Variants in PARP15 observed in about 807,000 individuals in gnomAD.
PARP15 encodes the protein protein mono-ADP-ribosyltransferase PARP15.
In PARP15, 50 loss-of-function variants were observed where a neutral mutation model predicts 62.1. That is an observed-to-expected ratio of 0.81 (90% CI 0.64 to 1.02). The LOEUF (loss-of-function observed/expected upper bound fraction) is 1.02. PARP15 is among the 50% of genes least tolerant of loss of function. The pLI is 0.00. For synonymous variants in PARP15, 309 were observed against 293.1 expected (o/e 1.05, Z -0.55); for missense variants, 820 against 826.5 (o/e 0.99, Z 0.10).
At chr3:122,595,498 C>G (rs2107489710) in intron 1 of PARP15, among the ~76,000 whole-genome samples, 1 of 152,300 alleles carries the variant, frequency 6.6e-6, no homozygotes, top group East Asian at 1.9e-4. Context: ...AGGTTTTTCA[C>G]TCGCTGCTAG....
At chr3:122,612,752 A>G (rs758619100) in intron 3 of PARP15, among the ~76,000 whole-genome samples, 1 of 151,970 alleles carries the variant, frequency 6.6e-6, no homozygotes, top group Non-Finnish European at 1.5e-5. Flanking sequence ...TTAACTTAAC[A>G]TAAATACTGC....
intron 8 of PARP15, among the ~76,000 whole-genome samples, chr3:122,626,019 C>T (rs945157381): frequency 1.3e-5 from 2 of 152,134 alleles, no homozygotes; most frequent in Admixed American, 6.5e-5. Context: ...TTAGAAAGGA[C>T]TTAATGGATT....
At chr3:122,613,657 C>G (rs199572975) in intron 4 of PARP15, among the ~76,000 whole-genome samples, 15 of 152,048 alleles carry the variant, frequency 9.9e-5, no homozygotes, top group African/African-American at 3.6e-4. Flanking sequence ...CTGTGAGTGT[C>G]TACAAACTAG....
rs1937365644 is a variant in PARP15 at position 122,636,231 on chromosome 3, T to A, written c.*131T>A. On this transcript the variant is annotated 3_prime_UTR_variant, in exon 12 of 12. Coordinates refer to ENST00000464300, the MANE Select transcript of PARP15 (RefSeq NM_001113523.3). ...GGTGCCAAAATGCTGAAAATTACCT[T>A]TTTAAAGTGCTCTATTGCTGCGATT... is the stretch of plus-strand genomic sequence containing the variant. The A allele has an allele frequency of 2.2e-6, 2 of 894,592 alleles. No homozygotes were observed. The highest frequency in any genetic ancestry group is 3.4e-5 in the African/African-American group (2 of 59,038). The allele number at this position is 894,592 out of a possible 1,614,324, so 55.4% of individuals were successfully genotyped here.
intron 1 of PARP15, among the ~76,000 whole-genome samples, chr3:122,601,041 T>G (rs1318705249): frequency 7.5e-6 from 1 of 133,466 alleles, no homozygotes; most frequent in East Asian, 2.1e-4. Context: ...TTATGGTTTT[T>G]TTTTTTTTTT....
At chr3:122,613,404 A>G (rs1935716235) in intron 4 of PARP15, 136 bp downstream of exon 4, 2 of 738,500 alleles carry the variant, frequency 2.7e-6, no homozygotes, top group East Asian at 2.7e-5. Context: ...AGGTTGTCAT[A>G]TGACTTAACT....
chr3:122,580,098 G>A (rs2080773502), intron 1 of PARP15, among the ~76,000 whole-genome samples: 1 of 148,152 alleles, frequency 6.7e-6, no homozygotes, highest in African/African-American at 2.5e-5. Context: ...ATCTATCTTG[G>A]TAAATTTCCA....
Position 122,596,189 on chromosome 3 carries a change from C to G in PARP15, c.187-9747C>G, listed in dbSNP as rs1232169746. Among the ~76,000 whole-genome samples the G allele has an allele frequency of 2.0e-5, 3 of 151,808 alleles. No homozygotes were observed. The East Asian group carries it at 5.8e-4, about 29-fold the overall frequency. ...CTGGCCAACATGGTGAAACCCGTCTCTACTAAAAATACAAAAATTAGCTGG... is the reference window on the plus strand; with the variant it reads ...CTGGCCAACATGGTGAAACCCGTCTGTACTAAAAATACAAAAATTAGCTGG... On this transcript the variant is annotated intron_variant, in intron 1 of 11. Transcript: ENST00000464300.
chr3:122,613,030 G>T lies in PARP15; in HGVS notation c.544-11G>T. ...GCCCTAACTTATGTAAATGTACTTT[G>T]CACATTTCAGATCATGGCAAATATA... On this transcript the variant is annotated splice_polypyrimidine_tract_variant and intron_variant, in intron 3 of 11. Transcript: ENST00000464300. 5.2e-6 allele frequency: 8 copies of T among 1,543,876 alleles called. No homozygotes were observed. The highest frequency in any genetic ancestry group is 7.0e-6 in the Non-Finnish European group (8 of 1,139,764).
Position 122,638,293 on chromosome 3 carries a change from A to C in PARP15, c.*2193A>C, listed in dbSNP as rs1450959177. ...ATGTGTCTTTACAGCAGCATGATTT[A>C]TAATCCTTTGGGTATATACCCAGTA... On this transcript the variant is annotated 3_prime_UTR_variant, in exon 12 of 12. Coordinates refer to ENST00000464300, the MANE Select transcript of PARP15 (RefSeq NM_001113523.3). 6.6e-6 allele frequency: 1 copy of C among 152,234 alleles called. No individual in the cohort carries two copies. The highest frequency in any genetic ancestry group is 1.5e-5 in the Non-Finnish European group (1 of 68,034). 9.4% of individuals were successfully genotyped at this position (152,234 alleles called of 1,614,324 possible).
At chr3:122,590,806 A>C (rs1455258460) in intron 1 of PARP15, among the ~76,000 whole-genome samples, 1 of 152,206 alleles carries the variant, frequency 6.6e-6, no homozygotes, top group Non-Finnish European at 1.5e-5. Context: ...ATAAAAGTCT[A>C]CTTAAACCCA....
intron 1 of PARP15, among the ~76,000 whole-genome samples, chr3:122,601,036 GTTTTTTTT>G (rs771581231): frequency 8.2e-5 from 6 of 73,032 alleles, no homozygotes; most frequent in African/African-American, 3.3e-4. Flanking sequence ...GTCTTTTATG[GTTTTTTTT>G]TTTTTTTTTT....
chr3:122,626,885 C>T lies in PARP15; in HGVS notation c.1290C>T (p.Asp430=), dbSNP rs773833928. ...VADNIIDAIV[D]FSSQHSTPSL... ...ATAACATAATCGATGCTATTGTAGA[C>T]TTCTCATCACAACATTCCACCCCAT... Residue 430 remains aspartate (D), a synonymous_variant, in exon 9 of 12, where the codon GAC becomes GAT. Coordinates refer to ENST00000464300, the MANE Select transcript of PARP15 (RefSeq NM_001113523.3). The T allele has an allele frequency of 6.2e-7, 1 of 1,614,096 alleles. No individual in the cohort carries two copies. The highest frequency in any genetic ancestry group is 1.1e-5 in the South Asian group (1 of 91,070).
chr3:122,613,216 CT>C lies in PARP15; in HGVS notation c.722del (p.Leu241TyrfsTer20). On this transcript the variant is annotated frameshift_variant, in exon 4 of 12. Coordinates refer to ENST00000464300, the MANE Select transcript of PARP15 (RefSeq NM_001113523.3). LOFTEE classifies it high-confidence loss of function. ...YSSSTRPITS[P>X]LQEVHFLVYT... Reference sequence around the variant, plus strand: ...AGCAGCACAAGGCCGATAACTAGCCCTTTACAAGAAGTCCACTTTCTGGTAT... The same window carrying C: ...AGCAGCACAAGGCCGATAACTAGCCCTTACAAGAAGTCCACTTTCTGGTAT... 6.4e-7 allele frequency: 1 copy of C among 1,551,840 alleles called. No homozygotes were observed. The highest frequency in any genetic ancestry group is 8.7e-7 in the Non-Finnish European group (1 of 1,146,906).
intron 8 of PARP15, among the ~76,000 whole-genome samples, chr3:122,624,353 A>T (rs1445604103): frequency 2.0e-5 from 3 of 152,146 alleles, no homozygotes; most frequent in Non-Finnish European, 4.4e-5. Flanking sequence ...CAGTAACCTT[A>T]TATAGGGTGA....
rs1303440518 is a variant in PARP15, at chr3:122,626,873, T to C, written c.1278T>C (p.Asp426=). 1 of 1,613,672 alleles carries C rather than the reference T, an allele frequency of 6.2e-7. No homozygotes were observed. Among genetic ancestry groups the C allele is most frequent in the East Asian group, 2.2e-5 (1 of 44,874 alleles). The change falls in exon 9 of 12, where the codon GAT becomes GAC. Residue 426 remains aspartate, a synonymous_variant. Coordinates refer to ENST00000464300, the MANE Select transcript of PARP15 (RefSeq NM_001113523.3). ...NPITVADNII[D]AIVDFSSQHS... ...TCACAGTTGCTGATAACATAATCGA[T>C]GCTATTGTAGACTTCTCATCACAAC...
At chr3:122,582,399 A>AC (rs138555106) in intron 1 of PARP15, among the ~76,000 whole-genome samples, 1,674 of 151,838 alleles carry the variant, frequency 0.011, 14 homozygotes, top group Non-Finnish European at 0.017. Flanking sequence ...CTGGTCTTGA[A>AC]CCCCCAGACT....
chr3:122,591,393 C>T (rs771760807), intron 1 of PARP15, among the ~76,000 whole-genome samples: 55 of 152,238 alleles, frequency 3.6e-4, no homozygotes, highest in Non-Finnish European at 6.6e-4. Context: ...CTCATGGAGT[C>T]TGTTACTGGC....
Position 122,613,192 on chromosome 3 carries a change from G to A in PARP15, c.695G>A (p.Ser232Asn), listed in dbSNP as rs1250723458. The A allele has an allele frequency of 3.2e-6, 5 of 1,551,804 alleles. No homozygotes were observed. Among genetic ancestry groups the A allele is most frequent in the Middle Eastern group, 1.7e-4 (1 of 5,994 alleles). Reference sequence around the variant, plus strand: ...CTTTCAGAAGTGTTCGAATACAGTAGCAGCACAAGGCCGATAACTAGCCCT... The same window carrying A: ...CTTTCAGAAGTGTTCGAATACAGTAACAGCACAAGGCCGATAACTAGCCCT... ...LILSEVFEYS[S>N]STRPITSPLQ... The change falls in exon 4 of 12, where the codon AGC becomes AAC. Residue 232 changes from serine to asparagine, a missense_variant. Physicochemically the swap from Ser to Asn is conservative, Grantham distance 46. Around this residue, in one of 3 missense-constraint regions of PARP15, gnomAD observed 731 missense variants for 727.7 expected, o/e 1.00. Transcript: ENST00000464300.
Sources: allele counts gnomAD v4.1 joint callset (sites outside exome capture counted in the v4.1 genomes callset), GRCh38; gene constraint gnomAD v4.1.1; regional missense constraint gnomAD v4.1.1; transcripts MANE v1.5; gene names NCBI Gene and HGNC (gene_info 2026-07-23, HGNC 2026-07-21).